Variants in MT1F observed in about 807,000 individuals in gnomAD.
MT1F encodes metallothionein-1F.
In MT1F, 6 loss-of-function variants were observed where a neutral mutation model predicts 5.4. That is an observed-to-expected ratio of 1.11 (90% CI 0.61 to 2.19). MT1F has a LOEUF of 2.19. Ranked by LOEUF, MT1F falls within the 30% of genes most tolerant of loss-of-function variation. The pLI is 0.00. For missense variants in MT1F, 82 were observed against 77.0 expected (o/e 1.07, Z -0.24); for synonymous variants, 28 against 28.3 (o/e 0.99, Z 0.04).
Position 56,659,292 on chromosome 16 carries a change from CT to C in MT1F, c.*131del. On this transcript the variant is annotated 3_prime_UTR_variant, in exon 3 of 3. Transcript: ENST00000334350. Reference sequence around the variant, plus strand: ...GAAATATGTGAGTGATAATTAAACACTTTAGACCTGATTCTGACTTCAGTTT... The same window carrying C: ...GAAATATGTGAGTGATAATTAAACACTTAGACCTGATTCTGACTTCAGTTT... 1.2e-6 allele frequency: 1 copy of C among 840,404 alleles called. No individual in the cohort carries two copies. 52.1% of individuals were successfully genotyped at this position (840,404 alleles called of 1,614,324 possible).
chr16:56,658,151 G>A, intron 1 of MT1F, 65 bp downstream of exon 1: 1 of 1,590,664 alleles, frequency 6.3e-7, no homozygotes, highest in Non-Finnish European at 8.6e-7. Context: ...GAGTGTTCCT[G>A]GGTTTGAGAA....
rs1960642433 is a variant in MT1F, at chr16:56,658,010, C to A, written c.-49C>A. On this transcript the variant is annotated 5_prime_UTR_variant, in exon 1 of 3. In the 5' UTR this introduces an upstream ATG that the reference lacks. Transcript: ENST00000334350. ...TCCACCACGCCTTCCACCTGCCCCA[C>A]TGCTTCTTCGCTTCTCTCTTGGAAA... The A allele has an allele frequency of 1.9e-6, 3 of 1,607,642 alleles. No homozygotes were observed. In the African/African-American group the frequency reaches 4.0e-5, roughly 21 times the overall value.
At chr16:56,659,043 G>A in intron 2 of MT1F, 30 bp from the exon 3 acceptor site, 1 of 1,603,944 alleles carries the variant, frequency 6.2e-7, no homozygotes, top group Non-Finnish European at 8.5e-7. Flanking sequence ...CAAGTTGGCT[G>A]TGACCTCTCA....
chr16:56,658,946 C>T (rs75488517), intron 2 of MT1F, 127 bp from the exon 3 acceptor site: 30,903 of 1,074,782 alleles, frequency 0.029, 775 homozygotes, highest in African/African-American at 0.12. Context: ...CAGTTGTCTC[C>T]TGACAAAGCC....
intron 2 of MT1F, 76 bp downstream of exon 2, chr16:56,658,816 A>G (rs964182001): frequency 9.0e-6 from 14 of 1,558,198 alleles, no homozygotes; most frequent in Non-Finnish European, 1.2e-5. Flanking sequence ...CCCTGAGTGC[A>G]TGCTTCTGGG....
At position 56,658,105 on chromosome 16, in the gene MT1F, C is replaced by G; in HGVS notation, c.28+19C>G. On this transcript the variant is annotated intron_variant, in intron 1 of 2. Transcript: ENST00000334350. ...GCCGCTGGTAAGGAACGCCGGGTTCCGTGCCTGGGGATGCTCGATTCCCAG... is the reference window on the plus strand; with the variant it reads ...GCCGCTGGTAAGGAACGCCGGGTTCGGTGCCTGGGGATGCTCGATTCCCAG... The G allele has an allele frequency of 1.2e-6, 2 of 1,613,994 alleles. No homozygotes were observed. The highest frequency in any genetic ancestry group is 1.7e-6 in the Non-Finnish European group (2 of 1,179,886).
chr16:56,659,136 C>T lies in MT1F; in HGVS notation c.158C>T (p.Ala53Val), dbSNP rs139420918. 41 of 1,614,056 alleles carry T rather than the reference C, an allele frequency of 2.5e-5. No homozygotes were observed. The highest frequency in any genetic ancestry group is 1.1e-4 in the East Asian group (5 of 44,878). Residue 53 changes from alanine (A) to valine (V), a missense_variant, in exon 3 of 3, where the codon GCG (alanine) becomes GTG (valine). Coordinates refer to ENST00000334350, the MANE Select transcript of MT1F (RefSeq NM_005949.4). ...KCAQGCVCKG[A>V]SEKCSCCD Reference sequence around the variant, plus strand: ...GCCCAGGGCTGTGTTTGCAAAGGGGCGTCAGAGAAGTGCAGCTGCTGCGAC... The same window carrying T: ...GCCCAGGGCTGTGTTTGCAAAGGGGTGTCAGAGAAGTGCAGCTGCTGCGAC...
chr16:56,658,121 C>T (rs1462158988), intron 1 of MT1F, 35 bp downstream of exon 1: 4 of 1,612,204 alleles, frequency 2.5e-6, no homozygotes, highest in Non-Finnish European at 3.4e-6. Context: ...TGGGGATGCT[C>T]GATTCCCAGA....
intron 1 of MT1F, 122 bp from the exon 2 acceptor site, chr16:56,658,552 TG>T: frequency 1.0e-6 from 1 of 969,518 alleles, no homozygotes; most frequent in Non-Finnish European, 1.6e-6. Context: ...CTGCTCTGAG[TG>T]GGAAAGGAGC....
At position 56,658,664 on chromosome 16, in the gene MT1F, C is replaced by G; in HGVS notation, c.29-11C>G. On this transcript the variant is annotated splice_polypyrimidine_tract_variant and intron_variant, in intron 1 of 2. Coordinates refer to ENST00000334350, the MANE Select transcript of MT1F (RefSeq NM_005949.4). ...TCGCCGCTCACTGGCTTTTTTTTCTCTTTCTCGCAGGTGTCTCCTGCACCT... is the reference window on the plus strand; with the variant it reads ...TCGCCGCTCACTGGCTTTTTTTTCTGTTTCTCGCAGGTGTCTCCTGCACCT... 1 of 1,613,646 alleles carries G rather than the reference C, an allele frequency of 6.2e-7. No individual in the cohort carries two copies. Among genetic ancestry groups the G allele is most frequent in the Non-Finnish European group, 8.5e-7 (1 of 1,179,808 alleles).
rs76144808 is a variant in MT1F at position 56,658,083 on chromosome 16, G to T, written c.25G>T (p.Ala9Ser). 2,475 of 1,614,062 alleles carry T rather than the reference G, an allele frequency of 1.5e-3. 27 individuals are homozygous for T. The African/African-American group carries it at 0.028, about 19-fold the overall frequency. Residue 9 changes from alanine to serine, a missense_variant, in exon 1 of 3, where the codon GCT becomes TCT. Transcript: ENST00000334350. ...AATGGACCCCAACTGCTCCTGCGCC[G>T]CTGGTAAGGAACGCCGGGTTCCGTG... MDPNCSCAAGVSCTCAGSC... is the reference protein window; with the variant it reads MDPNCSCASGVSCTCAGSC...
At chr16:56,658,347 G>T in intron 1 of MT1F, 1 of 586,862 alleles carries the variant, frequency 1.7e-6, no homozygotes. Flanking sequence ...CTGAGCCCCA[G>T]TGCTCTGACC....
At position 56,659,227 on chromosome 16, in the gene MT1F, T is replaced by C. The variant is rs545591247; in HGVS notation, c.*63T>C. On this transcript the variant is annotated 3_prime_UTR_variant, in exon 3 of 3. Transcript: ENST00000334350. ...ACATGTACAAACCTGGATTTTTTTT[T>C]TATACCACCTTGACCCATTTGCTAC... 6.6e-7 allele frequency: 1 copy of C among 1,522,372 alleles called. No homozygotes were observed. Among genetic ancestry groups the C allele is most frequent in the Non-Finnish European group, 9.1e-7 (1 of 1,101,382 alleles). 94.3% of individuals were successfully genotyped at this position (1,522,372 alleles called of 1,614,324 possible).
chr16:56,658,515 G>A (rs1244984004), intron 1 of MT1F, 160 bp from the exon 2 acceptor site: 1 of 715,960 alleles, frequency 1.4e-6, no homozygotes, highest in East Asian at 2.7e-5. Context: ...CCAGCATGAA[G>A]GGAGAGGACA....
intron 2 of MT1F, 33 bp from the exon 3 acceptor site, chr16:56,659,040 G>T (rs773691848): frequency 1.3e-6 from 2 of 1,595,674 alleles, no homozygotes; most frequent in South Asian, 2.2e-5. Flanking sequence ...GGGCAAGTTG[G>T]CTGTGACCTC....
chr16:56,658,134 C>T (rs979309929), intron 1 of MT1F, 48 bp downstream of exon 1: 3 of 1,608,378 alleles, frequency 1.9e-6, no homozygotes, highest in Non-Finnish European at 2.6e-6. Flanking sequence ...TTCCCAGACA[C>T]CATAGAGAGT....
At chr16:56,658,638 C>T in intron 1 of MT1F, 37 bp from the exon 2 acceptor site, 1 of 1,612,152 alleles carries the variant, frequency 6.2e-7, no homozygotes, top group Non-Finnish European at 8.5e-7. Flanking sequence ...CTGCAGGTCA[C>T]TCGCCGCTCA....
Position 56,659,238 on chromosome 16 carries a change from T to A in MT1F, c.*74T>A. 7.1e-7 allele frequency: 1 copy of A among 1,402,414 alleles called. No homozygotes were observed. The highest frequency in any genetic ancestry group is 1.2e-5 in the South Asian group (1 of 84,964). 86.9% of individuals were successfully genotyped at this position (1,402,414 alleles called of 1,614,324 possible). A position where few individuals can be genotyped will look rare whatever the true frequency, so the allele number is the denominator to read the frequency against. On this transcript the variant is annotated 3_prime_UTR_variant, in exon 3 of 3. Transcript: ENST00000334350. ...CCTGGATTTTTTTTTTATACCACCT[T>A]GACCCATTTGCTACATTCCTTTTCC...
At position 56,659,106 on chromosome 16, in the gene MT1F, A is replaced by C. The variant is rs778976314; in HGVS notation, c.128A>C (p.Lys43Thr). The C allele has an allele frequency of 1.9e-6, 3 of 1,613,940 alleles. No homozygotes were observed. Among genetic ancestry groups the C allele is most frequent in the Non-Finnish European group, 2.5e-6 (3 of 1,179,930 alleles). ...TCCTGCTGCCCCGTGGGCTGTAGCA[A>C]GTGTGCCCAGGGCTGTGTTTGCAAA... The part of the protein sequence containing the change: ...CCSCCPVGCS[K>T]CAQGCVCKGA... The change falls in exon 3 of 3, where the codon AAG becomes ACG. Residue 43 changes from lysine (K) to threonine (T), a missense_variant. Transcript: ENST00000334350.
Sources: allele counts gnomAD v4.1 joint callset, GRCh38; gene constraint gnomAD v4.1.1; transcripts MANE v1.5; gene names NCBI Gene and HGNC (gene_info 2026-07-23, HGNC 2026-07-21).